Variants in SUPT3H observed in about 807,000 individuals in gnomAD.
SUPT3H encodes transcription initiation protein SPT3 homolog.
A neutral mutation model predicts 44.3 loss-of-function variants in SUPT3H; 44 were observed. The observed-to-expected ratio is 0.99, with a 90% CI of 0.78 to 1.28. SUPT3H has a LOEUF of 1.28. SUPT3H is among the 50% of genes most tolerant of loss of function. The pLI, the probability that SUPT3H is intolerant of heterozygous loss-of-function variation, is 0.00. For synonymous variants in SUPT3H, 124 were observed against 125.6 expected (o/e 0.99, Z 0.09); for missense variants, 380 against 387.1 (o/e 0.98, Z 0.15).
intron 6 of SUPT3H, among the ~76,000 whole-genome samples, chr6:44,994,905 G>A (rs1452763300): frequency 6.6e-6 from 1 of 151,630 alleles, no homozygotes; most frequent in East Asian, 1.9e-4. Context: ...CCTTTCCCTA[G>A]CTGCTTAATT....
chr6:45,287,758 AAATTT>A (rs1200088018), intron 2 of SUPT3H, among the ~76,000 whole-genome samples: 1 of 152,212 alleles, frequency 6.6e-6, no homozygotes, highest in African/African-American at 2.4e-5. Context: ...TGCAAATGGT[AAATTT>A]AATGTATCAC....
At chr6:45,322,731 G>A (rs1785697273) in intron 2 of SUPT3H, 1 of 609,716 alleles carries the variant, frequency 1.6e-6, no homozygotes, top group Admixed American at 3.1e-5. Context: ...TAAAAGAACT[G>A]TCAAGACATG....
chr6:44,813,862 G>T (rs1766720753), intron 11 of SUPT3H, among the ~76,000 whole-genome samples: 1 of 151,826 alleles, frequency 6.6e-6, no homozygotes, highest in Non-Finnish European at 1.5e-5. Flanking sequence ...ATAATGTATG[G>T]TTAAAAAAAT....
Position 45,012,714 on chromosome 6 carries a change from C to G in SUPT3H, c.364+2087G>C, listed in dbSNP as rs148862433. On this transcript the variant is annotated intron_variant, in intron 5 of 10. Transcript: ENST00000371459. ...TCTCCTTTTTATTGTTCACACTTAC[C>G]TATTACTTGGCATATCTAGTATTTT... is the stretch of plus-strand genomic sequence containing the variant. Among the ~76,000 whole-genome samples the G allele has an allele frequency of 6.6e-5, 10 of 151,966 alleles. No individual in the cohort carries two copies. The South Asian group carries it at 1.7e-3, about 25-fold the overall frequency.
chr6:45,360,902 A>G (rs1360915718), intron 2 of SUPT3H, among the ~76,000 whole-genome samples: 4 of 152,160 alleles, frequency 2.6e-5, no homozygotes, highest in East Asian at 1.9e-4. Flanking sequence ...TGCATTACAA[A>G]TATTTGTCTC....
chr6:45,174,624 C>A (rs979725615), intron 2 of SUPT3H, among the ~76,000 whole-genome samples: 1 of 152,098 alleles, frequency 6.6e-6, no homozygotes, highest in Non-Finnish European at 1.5e-5. Context: ...TAAAACAGCA[C>A]CTTTACAAAA....
intron 3 of SUPT3H, among the ~76,000 whole-genome samples, chr6:45,038,072 G>A (rs943154612): frequency 1.3e-5 from 2 of 152,222 alleles, no homozygotes; most frequent in Middle Eastern, 3.4e-3. Flanking sequence ...TATTAGATGG[G>A]AAGGAATCCA....
intron 2 of SUPT3H, among the ~76,000 whole-genome samples, chr6:45,192,036 C>A (rs1172520338): frequency 5.3e-5 from 8 of 152,070 alleles, no homozygotes; most frequent in Admixed American, 5.2e-4. Context: ...ACTGCTATGT[C>A]GAAAAGGGCA....
chr6:44,839,837 G>C (rs1356329076), intron 10 of SUPT3H, among the ~76,000 whole-genome samples: 2 of 152,236 alleles, frequency 1.3e-5, no homozygotes, highest in Non-Finnish European at 2.9e-5. Flanking sequence ...GAGTAGCTGG[G>C]ACTACAGGTG....
chr6:45,330,776 T>C (rs1199294179), intron 2 of SUPT3H, among the ~76,000 whole-genome samples: 1 of 151,806 alleles, frequency 6.6e-6, no homozygotes, highest in Non-Finnish European at 1.5e-5. Context: ...GGGCTGCACC[T>C]TCCCTCCCCG....
In SUPT3H at chr6:44,930,860, T is replaced by C. The variant is rs191127347; in HGVS notation, c.912+1793A>G. On this transcript the variant is annotated intron_variant, in intron 10 of 10. Coordinates refer to ENST00000371459, the MANE Select transcript of SUPT3H (RefSeq NM_003599.4). ...AGTTTTAAAAAGCCCATTCTTTATGTTTATTAGATCCAAATTAGCTTAGGC... is the reference window on the plus strand; with the variant it reads ...AGTTTTAAAAAGCCCATTCTTTATGCTTATTAGATCCAAATTAGCTTAGGC... Among the ~76,000 whole-genome samples, 2 of 152,226 alleles carry C rather than the reference T, an allele frequency of 1.3e-5. 1 individual carries two copies. The highest frequency in any genetic ancestry group is 4.1e-4 in the South Asian group (2 of 4,832).
Position 45,362,435 on chromosome 6 carries a change from C to T in SUPT3H, c.101+2766G>A, listed in dbSNP as rs1172397194. 2.0e-5 allele frequency among the ~76,000 whole-genome samples: 3 copies of T among 152,116 alleles called. No individual in the cohort carries two copies. The East Asian group carries it at 5.8e-4, about 29-fold the overall frequency. On this transcript the variant is annotated intron_variant, in intron 2 of 10. Transcript: ENST00000371459. ...GTCACAGAATGAAATTACTGTAACA[C>T]AAAATAAACATAGCAGAATAAGTCC... is the stretch of plus-strand genomic sequence containing the variant.
At chr6:44,930,564 CAAAA>C (rs3857588) in intron 10 of SUPT3H, among the ~76,000 whole-genome samples, 19 of 65,100 alleles carry the variant, frequency 2.9e-4, no homozygotes, top group Non-Finnish European at 2.3e-4. Flanking sequence ...GACTCCGTCT[CAAAA>C]AAAAAAAAAA....
At chr6:45,164,354 G>A (rs1475573742) in intron 2 of SUPT3H, among the ~76,000 whole-genome samples, 2 of 152,190 alleles carry the variant, frequency 1.3e-5, no homozygotes, top group Non-Finnish European at 2.9e-5. Flanking sequence ...ATGTGTGGGT[G>A]TATGTGTGTT....
chr6:45,121,518 T>TA (rs1554255771), intron 2 of SUPT3H, among the ~76,000 whole-genome samples: 1 of 142,470 alleles, frequency 7.0e-6, no homozygotes, highest in Non-Finnish European at 1.6e-5. Flanking sequence ...TGAAATTATG[T>TA]GGGGGGGGGG....
At chr6:45,231,600 G>C (rs937153660) in intron 2 of SUPT3H, among the ~76,000 whole-genome samples, 2 of 152,048 alleles carry the variant, frequency 1.3e-5, no homozygotes, top group African/African-American at 4.8e-5. Context: ...ATGTGATTGG[G>C]GGTCACTAGG....
At chr6:44,871,065 TG>T (rs1238968124) in intron 10 of SUPT3H, among the ~76,000 whole-genome samples, 1 of 148,674 alleles carries the variant, frequency 6.7e-6, no homozygotes, top group African/African-American at 2.5e-5. Context: ...GCAACGAGGC[TG>T]GGGGAGGGGC....
chr6:44,929,746 GGT>G (rs1351011868), intron 10 of SUPT3H, among the ~76,000 whole-genome samples: 5 of 149,910 alleles, frequency 3.3e-5, no homozygotes, highest in Admixed American at 1.3e-4. Flanking sequence ...CCCCAATCAT[GGT>G]AAGTTTCTAC....
intron 3 of SUPT3H, among the ~76,000 whole-genome samples, chr6:45,031,545 C>T (rs1352196398): frequency 2.0e-5 from 3 of 152,078 alleles, no homozygotes; most frequent in African/African-American, 7.2e-5. Flanking sequence ...ACAATGCACA[C>T]ATTAGTTTTG....
Sources: gnomAD v4.1 joint callset for allele counts (sites outside exome capture counted in the v4.1 genomes callset) on GRCh38, gnomAD v4.1.1 for gene constraint, MANE v1.5 for transcripts, NCBI Gene and HGNC (gene_info 2026-07-23, HGNC 2026-07-21) for gene names.